The following DLGAP2 variants were observed in gnomAD, a reference collection of about 807,000 sequenced individuals.
The protein encoded by DLGAP2 is DLG associated protein 2.
A neutral mutation model predicts 100.3 loss-of-function variants in DLGAP2; 26 were observed. The observed-to-expected ratio is 0.26, with a 90% CI of 0.19 to 0.36. The LOEUF is 0.36. Ranked by LOEUF, DLGAP2 falls within the 10% of genes least tolerant of loss-of-function variation. The pLI is 1.00. For missense variants in DLGAP2, 1,858 were observed against 1,453.2 expected, an observed-to-expected ratio of 1.28 and a Z score of -4.53; for synonymous variants, 886 against 630.1, an observed-to-expected ratio of 1.41 and a Z score of -6.08.
intron 2 of DLGAP2, among the ~76,000 whole-genome samples, chr8:916,730 C>T (rs1485752639): frequency 6.6e-6 from 1 of 152,202 alleles, no homozygotes; most frequent in African/African-American, 2.4e-5. Flanking sequence ...TGCAGAGGGG[C>T]ACCCAAGTCA....
rs545085591 is a variant in DLGAP2 at position 1,425,957 on chromosome 8, C to T, written c.107-75409C>T. Among the ~76,000 whole-genome samples, 68 of 152,190 alleles carry T rather than the reference C, an allele frequency of 4.5e-4. 1 individual carries two copies. The highest frequency in any genetic ancestry group is 9.0e-4 in the Non-Finnish European group (61 of 68,038). On this transcript the variant is annotated intron_variant, in intron 3 of 14. Coordinates refer to ENST00000637795, the MANE Select transcript of DLGAP2 (RefSeq NM_001346810.2). ...GGACCTGATGTAGGGCTTATGGAAA[C>T]CAGGTGGCTGGAGGACAGCACTGAG...
intron 3 of DLGAP2, among the ~76,000 whole-genome samples, chr8:1,321,157 G>T (rs1800890404): frequency 2.0e-5 from 3 of 150,570 alleles, no homozygotes; most frequent in Admixed American, 1.3e-4. Context: ...ATGCATCCGT[G>T]CCCGTATGTG....
rs1415638461 is a variant in DLGAP2 at position 1,676,590 on chromosome 8, G to A, written c.2260G>A (p.Val754Ile). The A allele has an allele frequency of 6.2e-7, 1 of 1,613,304 alleles. No individual in the cohort carries two copies. Among genetic ancestry groups the A allele is most frequent in the African/African-American group, 1.3e-5 (1 of 74,934 alleles). The change falls in exon 11 of 15, where the codon GTC becomes ATC. Residue 754 changes from valine to isoleucine, a missense_variant. Physicochemically the swap from Val to Ile is conservative, Grantham distance 29. Coordinates refer to ENST00000637795, the MANE Select transcript of DLGAP2 (RefSeq NM_001346810.2). ...CCGCGGTCTGCGGGAATACCACTCT[G>A]TCGGGGTGCAAGTGGAAGATGAGAA... ...ESRGLREYHS[V>I]GVQVEDEKRH...
chr8:1,072,745 G>C (rs1803473356), intron 2 of DLGAP2, among the ~76,000 whole-genome samples: 1 of 152,188 alleles, frequency 6.6e-6, no homozygotes, highest in East Asian at 1.9e-4. Flanking sequence ...ACACTGGCAG[G>C]TTCTGTTTAG....
intron 6 of DLGAP2, among the ~76,000 whole-genome samples, chr8:1,571,203 G>C (rs1802658573): frequency 1.5e-5 from 2 of 136,372 alleles, no homozygotes; most frequent in Non-Finnish European, 3.1e-5. Context: ...ATGAGATGGA[G>C]AGGGGAGAGG....
chr8:1,666,096 C>G (rs1457707317), intron 8 of DLGAP2, among the ~76,000 whole-genome samples: 1 of 152,226 alleles, frequency 6.6e-6, no homozygotes, highest in African/African-American at 2.4e-5. Flanking sequence ...TTTCCTAACC[C>G]AGGTCTCTCC....
chr8:1,085,193 C>A (rs891068079), intron 2 of DLGAP2, among the ~76,000 whole-genome samples: 5 of 152,174 alleles, frequency 3.3e-5, no homozygotes, highest in Admixed American at 6.5e-5. Context: ...GTACCTTGCC[C>A]ATTTCTTAAT....
intron 2 of DLGAP2, among the ~76,000 whole-genome samples, chr8:1,023,857 A>ATATGTGTGTGTGTGTGTG (rs772678610): frequency 7.0e-5 from 9 of 128,836 alleles, no homozygotes; most frequent in Admixed American, 3.3e-4. Context: ...AACTTTATAT[A>ATATGTGTGTGTGTGTGTG]TGTGTGTGTG....
chr8:1,294,231 C>T (rs1329054161), intron 3 of DLGAP2, among the ~76,000 whole-genome samples: 1 of 152,220 alleles, frequency 6.6e-6, no homozygotes, highest in Admixed American at 6.5e-5. Flanking sequence ...ATTCAGGTTA[C>T]AGGCCTTTCA....
intron 3 of DLGAP2, among the ~76,000 whole-genome samples, chr8:1,286,752 AC>A (rs1426272695): frequency 2.6e-5 from 4 of 152,174 alleles, no homozygotes; most frequent in Non-Finnish European, 5.9e-5. Flanking sequence ...TTCAAAGTGC[AC>A]CCTCTGTGCT....
chr8:1,372,455 C>G (rs547412209), intron 3 of DLGAP2, among the ~76,000 whole-genome samples: 122 of 152,290 alleles, frequency 8.0e-4, no homozygotes, highest in African/African-American at 2.8e-3. Context: ...TCGTGCGAGT[C>G]CCCTCCACAG....
intron 10 of DLGAP2, among the ~76,000 whole-genome samples, chr8:1,671,686 T>A (rs768300355): frequency 6.6e-6 from 1 of 152,232 alleles, no homozygotes; most frequent in Non-Finnish European, 1.5e-5. Flanking sequence ...TCACACCTCC[T>A]ATGGCCCCCG....
intron 3 of DLGAP2, among the ~76,000 whole-genome samples, chr8:1,320,203 TG>T (rs1034894771): frequency 5.3e-5 from 8 of 151,608 alleles, no homozygotes; most frequent in African/African-American, 1.9e-4. Context: ...TTTCCGGAAA[TG>T]GGGAAGGGTA....
At chr8:1,531,029 A>C (rs1271185919) in intron 4 of DLGAP2, among the ~76,000 whole-genome samples, 1 of 152,226 alleles carries the variant, frequency 6.6e-6, no homozygotes, top group Admixed American at 6.5e-5. Context: ...TCACTTTGAA[A>C]GTTCATTCCA....
chr8:1,695,951 C>T (rs1277172713), intron 13 of DLGAP2, among the ~76,000 whole-genome samples: 4 of 152,220 alleles, frequency 2.6e-5, no homozygotes, highest in African/African-American at 7.2e-5. Flanking sequence ...CTTTGAGTGG[C>T]CAAGGCTGCC....
At chr8:1,470,775 A>ACCCCTCCAGGCTTT (rs1563168449) in intron 3 of DLGAP2, among the ~76,000 whole-genome samples, 1 of 76,040 alleles carries the variant, frequency 1.3e-5, no homozygotes, top group East Asian at 4.9e-4. Flanking sequence ...GCCTTTCCCG[A>ACCCCTCCAGGCTTT]CTCCCCCAGC....
Position 915,762 on chromosome 8 carries a change from C to T in DLGAP2, c.73+7796C>T, listed in dbSNP as rs142354865. Among the ~76,000 whole-genome samples the T allele has an allele frequency of 1.6e-3, 242 of 152,136 alleles. 2 individuals are homozygous for T. Among genetic ancestry groups the T allele is most frequent in the Admixed American group, 0.011 (173 of 15,286 alleles). On this transcript the variant is annotated intron_variant, in intron 2 of 14. Coordinates refer to ENST00000637795, the MANE Select transcript of DLGAP2 (RefSeq NM_001346810.2). ...CCGTCCGTCAGTTCACCCGTCTGTCCATCTGTCCCAGGGCGTGGTTTCCGT... is the reference window on the plus strand; with the variant it reads ...CCGTCCGTCAGTTCACCCGTCTGTCTATCTGTCCCAGGGCGTGGTTTCCGT...
intron 2 of DLGAP2, among the ~76,000 whole-genome samples, chr8:1,225,042 T>A (rs979599206): frequency 6.6e-6 from 1 of 152,236 alleles, no homozygotes; most frequent in Non-Finnish European, 1.5e-5. Context: ...AAGTTTTCAC[T>A]ATCCACAAAA....
intron 2 of DLGAP2, among the ~76,000 whole-genome samples, chr8:1,164,569 G>A (rs1333271527): frequency 6.6e-6 from 1 of 152,088 alleles, no homozygotes; most frequent in Non-Finnish European, 1.5e-5. Flanking sequence ...CCAAGTACTT[G>A]TGGGTCATAT....
Sources: gnomAD v4.1 joint callset for allele counts (sites outside exome capture counted in the v4.1 genomes callset) on GRCh38, gnomAD v4.1.1 for gene constraint, MANE v1.5 for transcripts, NCBI Gene and HGNC (gene_info 2026-07-23, HGNC 2026-07-21) for gene names.